MYO16: variants seen among roughly 807,000 people sequenced by gnomAD.
MYO16 encodes unconventional myosin-XVI.
MYO16 carries 94 observed loss-of-function variants against 205.3 expected under a neutral mutation model. The ratio of observed to expected loss-of-function variants is 0.46; its 90% CI spans 0.39 to 0.54. The LOEUF (loss-of-function observed/expected upper bound fraction) is 0.54, where lower values mean the gene tolerates loss of function less well. MYO16 is among the 20% of genes least tolerant of loss of function. The probability of loss-of-function intolerance (pLI) is 0.00; values close to 1 mark genes in which losing one functional copy is unlikely to be tolerated. For missense variants in MYO16, 2,315 were observed against 2,387.5 expected (o/e 0.97, Z 0.63); for synonymous variants, 988 against 954.0 (o/e 1.04, Z -0.66).
At chr13:109,078,084 A>T (rs919108527) in intron 27 of MYO16, among the ~76,000 whole-genome samples, 1 of 151,844 alleles carries the variant, frequency 6.6e-6, no homozygotes, top group East Asian at 1.9e-4. Flanking sequence ...TTTTTGGTTT[A>T]AGTTATTGTA....
Position 109,153,988 on chromosome 13 carries a change from T to C in MYO16, c.5165-10913T>C, listed in dbSNP as rs558164706. 3.4e-4 allele frequency among the ~76,000 whole-genome samples: 52 copies of C among 152,210 alleles called. No individual in the cohort carries two copies. The South Asian group carries it at 6.6e-3, about 19-fold the overall frequency. On this transcript the variant is annotated intron_variant, in intron 32 of 34. Coordinates refer to ENST00000457511, the MANE Select transcript of MYO16 (RefSeq NM_001198950.3). ...CTGCCCTGTGGCCCATCAGGGGAAA[T>C]TGGGTCACGTGAGCACGTAAAGAAT... is the stretch of plus-strand genomic sequence containing the variant.
At chr13:109,066,737 T>A (rs1366172432) in intron 27 of MYO16, among the ~76,000 whole-genome samples, 1 of 152,160 alleles carries the variant, frequency 6.6e-6, no homozygotes. Flanking sequence ...AAGCAGCGGT[T>A]GACAGTATTT....
chr13:109,206,802 GGC>G lies in MYO16; in HGVS notation c.5610_5611del (p.Arg1870SerfsTer4), dbSNP rs754708148. 1.9e-6 allele frequency: 3 copies of G among 1,614,180 alleles called. No homozygotes were observed. Among genetic ancestry groups the G allele is most frequent in the Non-Finnish European group, 2.5e-6 (3 of 1,180,028 alleles). The stretch of plus-strand genomic sequence containing the variant: ...AAGCCGGAAGGGGCCTCCTGCAACA[GGC>G]TGCCGTCTGAGCTCTGGGACACCAC... On this transcript the variant is annotated frameshift_variant, in exon 35 of 35. Coordinates refer to ENST00000457511, the MANE Select transcript of MYO16 (RefSeq NM_001198950.3). LOFTEE classifies it high-confidence loss of function.
chr13:108,869,720 G>A (rs1179028433), intron 12 of MYO16, among the ~76,000 whole-genome samples: 2 of 110,830 alleles, frequency 1.8e-5, no homozygotes, highest in African/African-American at 3.7e-5. Context: ...GACAGAGCGA[G>A]ACTCCGTTTC....
At chr13:108,867,365 CTAAA>C (rs956974423) in intron 12 of MYO16, among the ~76,000 whole-genome samples, 2 of 151,956 alleles carry the variant, frequency 1.3e-5, no homozygotes, top group African/African-American at 4.8e-5. Flanking sequence ...GATCCCGTCT[CTAAA>C]TAGAATAAAG....
chr13:108,755,263 A>C (rs1216151142), intron 4 of MYO16, among the ~76,000 whole-genome samples: 2 of 151,808 alleles, frequency 1.3e-5, no homozygotes, highest in African/African-American at 2.4e-5. Context: ...AGAGGAAATG[A>C]GTTTACAAGC....
chr13:109,195,486 C>T, intron 34 of MYO16, among the ~76,000 whole-genome samples: 1 of 152,048 alleles, frequency 6.6e-6, no homozygotes, highest in Non-Finnish European at 1.5e-5. Context: ...TATGCTATAT[C>T]TTTAGGATTT....
chr13:108,627,735 T>G (rs1211290967), upstream of MYO16, among the ~76,000 whole-genome samples: 1 of 152,192 alleles, frequency 6.6e-6, no homozygotes, highest in Non-Finnish European at 1.5e-5. Context: ...CTTTGTCAAG[T>G]GCACAACATG....
At chr13:108,912,288 T>G (rs1236941737) in intron 16 of MYO16, among the ~76,000 whole-genome samples, 3 of 152,214 alleles carry the variant, frequency 2.0e-5, no homozygotes, top group South Asian at 4.1e-4. Flanking sequence ...GCTATGGATA[T>G]GGTTTGTCAT....
the MYO16 span, among the ~76,000 whole-genome samples, chr13:108,568,653 T>G: frequency 3.9e-5 from 6 of 152,124 alleles, no homozygotes; most frequent in African/African-American, 1.4e-4. Context: ...TTTATTGGTT[T>G]TATCAACTCC....
At chr13:108,933,028 A>G (rs1295724410) in intron 16 of MYO16, among the ~76,000 whole-genome samples, 1 of 152,112 alleles carries the variant, frequency 6.6e-6, no homozygotes, top group African/African-American at 2.4e-5. Context: ...ACGACAGAGA[A>G]AGGCATCAGG....
intron 29 of MYO16, among the ~76,000 whole-genome samples, chr13:109,124,352 C>T (rs893889267): frequency 1.4e-4 from 22 of 152,040 alleles, no homozygotes; most frequent in African/African-American, 5.3e-4. Context: ...GTTGTGTTGA[C>T]CTGGAGGAAC....
At chr13:108,737,871 G>A (rs1236257513) in intron 4 of MYO16, among the ~76,000 whole-genome samples, 2 of 152,170 alleles carry the variant, frequency 1.3e-5, no homozygotes, top group African/African-American at 4.8e-5. Context: ...TTGGGAGAGT[G>A]TATGTGTCCA....
the MYO16 span, among the ~76,000 whole-genome samples, chr13:108,520,876 G>T: frequency 1.3e-5 from 2 of 152,176 alleles, no homozygotes; most frequent in African/African-American, 4.8e-5. Context: ...GTCAGTAGAG[G>T]ATTGGAATTA....
Position 109,010,080 on chromosome 13 carries a change from C to T in MYO16, c.2595+1031C>T, listed in dbSNP as rs570741092. On this transcript the variant is annotated intron_variant, in intron 22 of 34. Transcript: ENST00000457511. Reference sequence around the variant, plus strand: ...ATATTTCAAGGATTACCTATTTGTCCCTGGCCCTGAGGGGAGGGGTTGATC... The same window carrying T: ...ATATTTCAAGGATTACCTATTTGTCTCTGGCCCTGAGGGGAGGGGTTGATC... 7.9e-5 allele frequency among the ~76,000 whole-genome samples: 12 copies of T among 152,202 alleles called. 1 individual carries two copies. In the South Asian group the frequency reaches 2.3e-3, roughly 29 times the overall value.
intron 33 of MYO16, among the ~76,000 whole-genome samples, chr13:109,169,432 A>G (rs961635140): frequency 2.0e-5 from 3 of 152,210 alleles, no homozygotes; most frequent in African/African-American, 7.2e-5. Flanking sequence ...TTAAAAAATT[A>G]TCTTTGAAAA....
At chr13:108,795,664 A>G (rs9583292) in intron 6 of MYO16, among the ~76,000 whole-genome samples, 63,644 of 152,124 alleles carry the variant, frequency 0.42, 13,596 homozygotes, top group Middle Eastern at 0.51. Context: ...ACACATTCAA[A>G]TGGCAAAAGC....
At chr13:108,926,362 A>G (rs1882005369) in intron 16 of MYO16, among the ~76,000 whole-genome samples, 1 of 152,234 alleles carries the variant, frequency 6.6e-6, no homozygotes, top group Non-Finnish European at 1.5e-5. Flanking sequence ...ATGAAAAAAT[A>G]AGAGATGGTC....
intron 1 of MYO16, among the ~76,000 whole-genome samples, chr13:108,606,816 C>T (rs185951600): frequency 6.6e-6 from 1 of 152,248 alleles, no homozygotes; most frequent in East Asian, 1.9e-4. Flanking sequence ...AACAGACACT[C>T]AGTGCCAGCC....
Sources: allele counts gnomAD v4.1 joint callset (sites outside exome capture counted in the v4.1 genomes callset), GRCh38; gene constraint gnomAD v4.1.1; transcripts MANE v1.5; gene names NCBI Gene and HGNC (gene_info 2026-07-23, HGNC 2026-07-21).